Variants in MAP2 observed in about 807,000 individuals in gnomAD.
The protein encoded by MAP2 is microtubule associated protein 2.
Under a neutral mutation model 137.6 loss-of-function variants are expected in MAP2, and 14 were observed. That is an observed-to-expected ratio of 0.10 (90% CI 0.07 to 0.16). MAP2 has a LOEUF of 0.16. Among genes scored for constraint, MAP2 ranks in the 10% least tolerant of loss-of-function variants. The pLI, the probability that MAP2 is intolerant of heterozygous loss-of-function variation, is 1.00. For missense variants in MAP2, 2,088 were observed against 2,191.5 expected (o/e 0.95, Z 0.94); for synonymous variants, 786 against 782.3 (o/e 1.00, Z -0.08).
intron 2 of MAP2, among the ~76,000 whole-genome samples, chr2:209,578,726 C>T (rs1475615136): frequency 1.3e-5 from 2 of 152,146 alleles, no homozygotes; most frequent in East Asian, 3.8e-4. Flanking sequence ...TACACAAGGG[C>T]ACTGTAAAAT....
rs141408032 is a variant in MAP2 at position 209,481,714 on chromosome 2, A to G, written c.-221-25878A>G. ...TGACAACCTCTGCCTTAGGTCACTT[A>G]ACTATGAAGCCAGCTTGTCTTTAGG... On this transcript the variant is annotated intron_variant, in intron 1 of 15. Transcript: ENST00000682079. 2.0e-3 allele frequency among the ~76,000 whole-genome samples: 302 copies of G among 152,328 alleles called. 5 individuals are homozygous for G. The highest frequency in any genetic ancestry group is 0.017 in the Admixed American group (267 of 15,292).
At chr2:209,590,533 C>G (rs2153429469) in intron 3 of MAP2, among the ~76,000 whole-genome samples, 1 of 152,182 alleles carries the variant, frequency 6.6e-6, no homozygotes, top group South Asian at 2.1e-4. Flanking sequence ...CGGTGTTTCT[C>G]CACATTGGTC....
intron 1 of MAP2, among the ~76,000 whole-genome samples, chr2:209,462,407 G>A (rs1318714880): frequency 1.3e-5 from 2 of 152,178 alleles, no homozygotes; most frequent in Non-Finnish European, 2.9e-5. Context: ...AAGAGTTAAT[G>A]CCATGGAACT....
intron 1 of MAP2, among the ~76,000 whole-genome samples, chr2:209,507,063 T>G (rs990812672): frequency 3.3e-5 from 5 of 152,060 alleles, no homozygotes; most frequent in Non-Finnish European, 7.4e-5. Flanking sequence ...ACAGTCCACT[T>G]TTTATATTTC....
chr2:209,670,975 C>T (rs2048585710), intron 5 of MAP2, among the ~76,000 whole-genome samples: 1 of 151,936 alleles, frequency 6.6e-6, no homozygotes, highest in Non-Finnish European at 1.5e-5. Context: ...AATAAATTCT[C>T]TTAAATTTAA....
At chr2:209,678,728 C>A in intron 6 of MAP2, 43 bp downstream of exon 6, 2 of 1,174,430 alleles carry the variant, frequency 1.7e-6, no homozygotes, top group Non-Finnish European at 2.5e-6. Flanking sequence ...GTCTGTTGCA[C>A]CCTGATCACA....
chr2:209,485,070 A>G (rs767315331), intron 1 of MAP2, among the ~76,000 whole-genome samples: 4 of 152,200 alleles, frequency 2.6e-5, no homozygotes, highest in Non-Finnish European at 4.4e-5. Context: ...AACTTTCTGT[A>G]ACTGCTGGAG....
intron 14 of MAP2, among the ~76,000 whole-genome samples, chr2:209,729,426 A>T (rs1230337865): frequency 3.3e-5 from 5 of 152,248 alleles, no homozygotes; most frequent in Non-Finnish European, 7.3e-5. Flanking sequence ...GTAACCTGTT[A>T]CCATGAATAT....
chr2:209,500,321 A>G (rs188269288), intron 1 of MAP2, among the ~76,000 whole-genome samples: 30 of 152,100 alleles, frequency 2.0e-4, no homozygotes, highest in Admixed American at 7.2e-4. Context: ...TCACCCAATT[A>G]TTGCTCTTCT....
Position 209,694,525 on chromosome 2 carries a change from A to G in MAP2, c.2355A>G (p.Ser785=), listed in dbSNP as rs776835955. Residue 785 remains serine (S), a synonymous_variant, in exon 8 of 16, where the codon TCA becomes TCG. Coordinates refer to ENST00000682079, the MANE Select transcript of MAP2 (RefSeq NM_001375505.1). ...AAGAAAGTACTCAAGCGGAGATATCATGTGAGTCTCCTTTCCTAGCCAAAG... is the reference window on the plus strand; with the variant it reads ...AAGAAAGTACTCAAGCGGAGATATCGTGTGAGTCTCCTTTCCTAGCCAAAG... The part of the protein sequence containing the change: ...TGEESTQAEI[S]CESPFLAKDF... The G allele has an allele frequency of 5.2e-5, 84 of 1,613,258 alleles. No homozygotes were observed. The highest frequency in any genetic ancestry group is 1.6e-4 in the Middle Eastern group (1 of 6,082).
chr2:209,516,484 A>C (rs1268560796), intron 2 of MAP2, among the ~76,000 whole-genome samples: 1 of 152,156 alleles, frequency 6.6e-6, no homozygotes, highest in Admixed American at 6.6e-5. Context: ...TAAGTCAGCC[A>C]TAAGGAGTAT....
At chr2:209,628,660 A>G (rs2092667309) in intron 4 of MAP2, among the ~76,000 whole-genome samples, 1 of 152,192 alleles carries the variant, frequency 6.6e-6, no homozygotes, top group Non-Finnish European at 1.5e-5. Flanking sequence ...TCCACCAATG[A>G]CTGCCTGTAA....
intron 2 of MAP2, among the ~76,000 whole-genome samples, chr2:209,513,073 A>G (rs1340560470): frequency 6.6e-6 from 1 of 152,190 alleles, no homozygotes. Context: ...ACAATTAAGC[A>G]GACTTGCACT....
chr2:209,572,083 A>C (rs1464485790), intron 2 of MAP2, among the ~76,000 whole-genome samples: 2 of 152,008 alleles, frequency 1.3e-5, no homozygotes, highest in African/African-American at 4.8e-5. Flanking sequence ...TAAGAATATA[A>C]GTGATTTTTT....
chr2:209,443,225 T>C (rs1045234736), intron 1 of MAP2, among the ~76,000 whole-genome samples: 1 of 151,530 alleles, frequency 6.6e-6, no homozygotes, highest in Non-Finnish European at 1.5e-5. Flanking sequence ...GGTTTTTTTT[T>C]TTTCTCCTTG....
intron 2 of MAP2, among the ~76,000 whole-genome samples, chr2:209,559,708 G>T (rs775493329): frequency 6.6e-6 from 1 of 151,850 alleles, no homozygotes; most frequent in Non-Finnish European, 1.5e-5. Flanking sequence ...AGACAGTAGT[G>T]GTGTCCTTTC....
At position 209,482,645 on chromosome 2, in the gene MAP2, A is replaced by G. The variant is rs538342221; in HGVS notation, c.-221-24947A>G. ...TAACACACATTATCTGATTATCTCA[A>G]AGAACTCTGGGAAATTATTACCCCC... is the stretch of plus-strand genomic sequence containing the variant. On this transcript the variant is annotated intron_variant, in intron 1 of 15. Transcript: ENST00000682079. 9.8e-5 allele frequency among the ~76,000 whole-genome samples: 15 copies of G among 152,312 alleles called. No homozygotes were observed. The South Asian group carries it at 2.7e-3, about 27-fold the overall frequency.
At chr2:209,628,740 A>G (rs575035787) in intron 4 of MAP2, among the ~76,000 whole-genome samples, 1 of 152,302 alleles carries the variant, frequency 6.6e-6, no homozygotes, top group South Asian at 2.1e-4. Flanking sequence ...TCTTCTACCT[A>G]CATCATCTCG....
intron 1 of MAP2, among the ~76,000 whole-genome samples, chr2:209,475,269 G>T (rs905119699): frequency 6.6e-6 from 1 of 151,988 alleles, no homozygotes. Flanking sequence ...ATGCATACTT[G>T]TAAGATTTTG....
Sources: allele counts gnomAD v4.1 joint callset (sites outside exome capture counted in the v4.1 genomes callset), GRCh38; gene constraint gnomAD v4.1.1; transcripts MANE v1.5; gene names NCBI Gene and HGNC (gene_info 2026-07-23, HGNC 2026-07-21).